Variants in ZER1 observed in about 807,000 individuals in gnomAD.
ZER1 encodes protein zer-1 homolog.
Under a neutral mutation model 78.8 loss-of-function variants are expected in ZER1, and 11 were observed. The observed-to-expected ratio is 0.14, with a 90% CI of 0.09 to 0.23. ZER1 has a LOEUF of 0.23. Among genes scored for constraint, ZER1 ranks in the 10% least tolerant of loss-of-function variants. The pLI is 1.00. For missense variants in ZER1, 588 were observed against 996.9 expected (o/e 0.59, Z 5.52); for synonymous variants, 400 against 407.0 (o/e 0.98, Z 0.21).
At chr9:128,747,606 CT>C (rs1203473824) in intron 8 of ZER1, among the ~76,000 whole-genome samples, 5 of 152,110 alleles carry the variant, frequency 3.3e-5, no homozygotes, top group African/African-American at 9.6e-5. Context: ...ATTTAGGTAT[CT>C]TTTTTTTGTT....
In ZER1 at chr9:128,754,060, C is replaced by G. The variant is rs1317591526; in HGVS notation, c.159-101G>C. The G allele has an allele frequency of 7.1e-7, 1 of 1,401,426 alleles. No individual in the cohort carries two copies. The highest frequency in any genetic ancestry group is 9.7e-7 in the Non-Finnish European group (1 of 1,035,694). 86.8% of individuals were successfully genotyped at this position (1,401,426 alleles called of 1,614,324 possible). A position where few individuals can be genotyped will look rare whatever the true frequency, so the allele number is the denominator to read the frequency against. ...CCCCTGAAGCTTTCTTGGATCACCC[C>G]AAGTAGCAACCTCCTTCTCCTAAGA... On this transcript the variant is annotated intron_variant, in intron 2 of 15. Coordinates refer to ENST00000291900, the MANE Select transcript of ZER1 (RefSeq NM_006336.4). This position sits in a 1 kb window ranked among gnomAD's most constrained non-coding sequence, Gnocchi z 4.3.
chr9:128,740,967 A>T lies in ZER1; in HGVS notation c.1738-80T>A. ...CTGGTATTGTTAACCAAAAAGCTTC[A>T]TGGGCATCTGGCCATGCCAACTAGA... is the stretch of plus-strand genomic sequence containing the variant. On this transcript the variant is annotated intron_variant, in intron 11 of 15. Coordinates refer to ENST00000291900, the MANE Select transcript of ZER1 (RefSeq NM_006336.4). The surrounding 1 kb of genome is among the most constrained non-coding windows in gnomAD (Gnocchi z 4.4). 1 of 742,994 alleles carries T rather than the reference A, an allele frequency of 1.3e-6. No individual in the cohort carries two copies. Among genetic ancestry groups the T allele is most frequent in the Non-Finnish European group, 2.5e-6 (1 of 397,698 alleles). The allele number at this position is 742,994 out of a possible 1,614,324, so 46.0% of individuals were successfully genotyped here. A position where few individuals can be genotyped will look rare whatever the true frequency, so the allele number is the denominator to read the frequency against.
Position 128,753,636 on chromosome 9 carries a change from C to T in ZER1, c.310-36G>A, listed in dbSNP as rs747675362. On this transcript the variant is annotated intron_variant, in intron 3 of 15. Transcript: ENST00000291900. The surrounding 1 kb of genome is among the most constrained non-coding windows in gnomAD (Gnocchi z 7.5). ...GCACAGCTCCATCATCATCACCACC[C>T]TTGCCCCTTCCCCCGGCCCCAGGCC... 6.2e-7 allele frequency: 1 copy of T among 1,600,600 alleles called. No homozygotes were observed. The highest frequency in any genetic ancestry group is 8.5e-7 in the Non-Finnish European group (1 of 1,172,658).
chr9:128,756,248 C>T (rs1380790533), intron 1 of ZER1, among the ~76,000 whole-genome samples: 2 of 152,170 alleles, frequency 1.3e-5, no homozygotes, highest in African/African-American at 4.8e-5. Context: ...GAGATGGAGA[C>T]CATCCTGGCT....
chr9:128,760,959 A>G (rs1334108355), intron 1 of ZER1, among the ~76,000 whole-genome samples: 1 of 151,936 alleles, frequency 6.6e-6, no homozygotes, highest in African/African-American at 2.4e-5. Context: ...GGAGATCAAG[A>G]CCATCCTGGC....
chr9:128,732,067 C>T lies in ZER1; in HGVS notation c.2244-673G>A, dbSNP rs1249650449. 6.6e-6 allele frequency among the ~76,000 whole-genome samples: 1 copy of T among 152,208 alleles called. No homozygotes were observed. The highest frequency in any genetic ancestry group is 2.4e-5 in the African/African-American group (1 of 41,450). On this transcript the variant is annotated intron_variant, in intron 15 of 15. Transcript: ENST00000291900. The surrounding 1 kb of genome is among the most constrained non-coding windows in gnomAD (Gnocchi z 4.8). Reference sequence around the variant, plus strand: ...AGCCTCTGTGTGTTAAAGGGATGCCCCAATACCTTTTAGGAAACAAATACC... The same window carrying T: ...AGCCTCTGTGTGTTAAAGGGATGCCTCAATACCTTTTAGGAAACAAATACC...
intron 14 of ZER1, among the ~76,000 whole-genome samples, chr9:128,734,204 A>AT (rs1183189767): frequency 7.9e-5 from 8 of 101,822 alleles, no homozygotes; most frequent in African/African-American, 1.3e-4. Flanking sequence ...AATAGATATA[A>AT]TTTTTTTTTT....
chr9:128,762,624 C>T (rs1864085158), intron 1 of ZER1, among the ~76,000 whole-genome samples: 4 of 152,182 alleles, frequency 2.6e-5, no homozygotes, highest in Admixed American at 2.6e-4. Flanking sequence ...GTAGTCATTG[C>T]TCAATAAAGA....
chr9:128,741,866 T>G (rs199572118), intron 9 of ZER1, 25 bp from the exon 10 acceptor site: 2 of 1,614,090 alleles, frequency 1.2e-6, no homozygotes, highest in Non-Finnish European at 1.7e-6. Context: ...AAGAGTCTGC[T>G]AGAGTGCTGG....
intron 1 of ZER1, among the ~76,000 whole-genome samples, chr9:128,768,992 C>A (rs551730001): frequency 1.3e-5 from 2 of 151,988 alleles, no homozygotes; most frequent in Non-Finnish European, 2.9e-5. Context: ...GTTCTCCAGA[C>A]TGGTCTCAAA....
intron 1 of ZER1, among the ~76,000 whole-genome samples, chr9:128,765,672 G>T (rs1322272156): frequency 6.6e-6 from 1 of 152,120 alleles, no homozygotes; most frequent in Non-Finnish European, 1.5e-5. Context: ...ATTAACCTAG[G>T]AGCTGGGGGG....
At chr9:128,731,930 A>C (rs1432798134) in intron 15 of ZER1, among the ~76,000 whole-genome samples, 1 of 152,132 alleles carries the variant, frequency 6.6e-6, no homozygotes, top group Non-Finnish European at 1.5e-5. Context: ...TCAGATTTCG[A>C]GTCTCGCCCG....
intron 1 of ZER1, among the ~76,000 whole-genome samples, chr9:128,767,031 C>T (rs1264606959): frequency 6.6e-6 from 1 of 151,456 alleles, no homozygotes; most frequent in Non-Finnish European, 1.5e-5. Flanking sequence ...CAGCCTCTGC[C>T]TCCTGGGTTC....
rs533151399 is a variant in ZER1 at position 128,731,265 on chromosome 9, C to T, written c.*72G>A. ...GAGGCTCCCTCGGAAGGGGCCCGCC[C>T]GCTGGGCTGCTTGAGCATGCTTCCT... On this transcript the variant is annotated 3_prime_UTR_variant, in exon 16 of 16. Coordinates refer to ENST00000291900, the MANE Select transcript of ZER1 (RefSeq NM_006336.4). 111 of 1,530,168 alleles carry T rather than the reference C, an allele frequency of 7.3e-5. No individual in the cohort carries two copies. Among genetic ancestry groups the T allele is most frequent in the African/African-American group, 6.5e-4 (48 of 73,410 alleles). The allele number at this position is 1,530,168 out of a possible 1,614,324, so 94.8% of individuals were successfully genotyped here.
intron 8 of ZER1, among the ~76,000 whole-genome samples, chr9:128,744,417 C>G (rs1419624883): frequency 6.6e-6 from 1 of 151,560 alleles, no homozygotes; most frequent in East Asian, 1.9e-4. Context: ...TGGTCTTGAT[C>G]TCATGATCCA....
chr9:128,746,631 TA>T (rs987139630), intron 8 of ZER1, among the ~76,000 whole-genome samples: 2 of 151,152 alleles, frequency 1.3e-5, no homozygotes, highest in Admixed American at 1.3e-4. Flanking sequence ...CCCAGCTAAT[TA>T]AAAAAAAATT....
chr9:128,767,292 G>A (rs1281923548), intron 1 of ZER1, among the ~76,000 whole-genome samples: 1 of 151,884 alleles, frequency 6.6e-6, no homozygotes, highest in Non-Finnish European at 1.5e-5. Context: ...TGTCACCCAG[G>A]CTGGAGTGCA....
chr9:128,743,308 G>A (rs926101976), intron 8 of ZER1, among the ~76,000 whole-genome samples: 5 of 152,044 alleles, frequency 3.3e-5, no homozygotes, highest in African/African-American at 9.7e-5. Context: ...TAGAGATGGG[G>A]TTTCCCCATG....
intron 13 of ZER1, among the ~76,000 whole-genome samples, chr9:128,738,355 T>C (rs945989350): frequency 3.4e-5 from 5 of 145,330 alleles, no homozygotes; most frequent in African/African-American, 1.3e-4. Flanking sequence ...TGTTTTGTTT[T>C]CTTGTTTTTT....
Sources: allele counts gnomAD v4.1 joint callset (sites outside exome capture counted in the v4.1 genomes callset), GRCh38; gene constraint gnomAD v4.1.1; non-coding constraint Gnocchi (gnomAD v3.1); transcripts MANE v1.5; gene names NCBI Gene and HGNC (gene_info 2026-07-23, HGNC 2026-07-21).